The following NARS2 variants were observed in gnomAD, a reference collection of about 807,000 sequenced individuals.
NARS2 encodes asparaginyl-tRNA synthetase.
NARS2 carries 60 observed loss-of-function variants against 62.9 expected under a neutral mutation model. The ratio of observed to expected loss-of-function variants is 0.95; its 90% CI spans 0.77 to 1.18. NARS2 has a LOEUF of 1.18. Ranked by LOEUF, NARS2 falls within the 50% of genes most tolerant of loss-of-function variation. The pLI is 0.00. For missense variants in NARS2, 619 were observed against 576.4 expected, an observed-to-expected ratio of 1.07 and a Z score of -0.76; for synonymous variants, 196 against 200.0, an observed-to-expected ratio of 0.98 and a Z score of 0.17.
chr11:78,570,861 T>C (rs1026068927), intron 2 of NARS2, among the ~76,000 whole-genome samples: 2 of 152,170 alleles, frequency 1.3e-5, no homozygotes, highest in Non-Finnish European at 2.9e-5. Flanking sequence ...AGGAATACAG[T>C]TGATTACCAT....
At position 78,528,894 on chromosome 11, in the gene NARS2, C is replaced by T. The variant is rs756725793; in HGVS notation, c.637G>A (p.Val213Ile). ...CCTGAGACAGTTAAGAAAGCAGGAA[C>T]ATTGAAGAAATTCTCCTCAGGTACC... ...LKVPEENFFN[V>I]PAFLTVSGQL... Residue 213 changes from valine to isoleucine, a missense_variant, in exon 6 of 14, where the codon GTT becomes ATT. Val to Ile is a conservative substitution (Grantham distance 29, BLOSUM62 3). Transcript: ENST00000281038. 1 of 1,613,054 alleles carries T rather than the reference C, an allele frequency of 6.2e-7. No homozygotes were observed. The highest frequency in any genetic ancestry group is 8.5e-7 in the Non-Finnish European group (1 of 1,179,588).
chr11:78,549,944 C>A (rs917601872), intron 5 of NARS2, among the ~76,000 whole-genome samples: 4 of 152,172 alleles, frequency 2.6e-5, no homozygotes, highest in Non-Finnish European at 4.4e-5. Context: ...CAATTAAAGT[C>A]TTTTAAGGCA....
At chr11:78,471,843 G>A (rs1591167363) in intron 9 of NARS2, among the ~76,000 whole-genome samples, 1 of 151,952 alleles carries the variant, frequency 6.6e-6, no homozygotes, top group East Asian at 1.9e-4. Flanking sequence ...TTTCATCCAC[G>A]TCCCTACAAA....
chr11:78,553,768 T>G (rs1171572080), intron 5 of NARS2, among the ~76,000 whole-genome samples: 3 of 152,242 alleles, frequency 2.0e-5, no homozygotes, highest in Admixed American at 2.0e-4. Context: ...TAGATCCAAT[T>G]TGTCAATTTT....
intron 7 of NARS2, among the ~76,000 whole-genome samples, chr11:78,490,218 T>C (rs369620929): frequency 4.6e-5 from 7 of 152,328 alleles, no homozygotes; most frequent in Middle Eastern, 3.4e-3. Context: ...GTAACGTCAC[T>C]GAAGCTACCT....
At chr11:78,498,062 T>C (rs577678502) in intron 6 of NARS2, among the ~76,000 whole-genome samples, 3 of 152,276 alleles carry the variant, frequency 2.0e-5, no homozygotes, top group East Asian at 1.9e-4. Flanking sequence ...TCTGAGGAGA[T>C]GACATGTGAA....
chr11:78,459,596 C>T (rs533998734), intron 11 of NARS2, among the ~76,000 whole-genome samples: 2 of 152,184 alleles, frequency 1.3e-5, no homozygotes, highest in South Asian at 2.1e-4. Context: ...GAGGTGTTTC[C>T]GCTTTCACTT....
chr11:78,473,973 C>T (rs548540130), intron 9 of NARS2, among the ~76,000 whole-genome samples: 11 of 152,282 alleles, frequency 7.2e-5, no homozygotes, highest in African/African-American at 2.6e-4. Context: ...TCCAGCTTCC[C>T]TACCCTACAC....
chr11:78,461,749 G>T (rs996527799), intron 11 of NARS2, among the ~76,000 whole-genome samples: 13 of 147,898 alleles, frequency 8.8e-5, no homozygotes, highest in Admixed American at 3.4e-4. Flanking sequence ...TTTGAGACCA[G>T]CCTGGGCAAC....
intron 11 of NARS2, among the ~76,000 whole-genome samples, chr11:78,453,298 T>C (rs976980129): frequency 7.2e-5 from 11 of 152,198 alleles, no homozygotes; most frequent in African/African-American, 2.2e-4. Context: ...AATATGAGTT[T>C]TGATTCTGCT....
In NARS2 at chr11:78,493,180, C is replaced by T. The variant is rs370938290; in HGVS notation, c.705G>A (p.Val235=). 12 of 1,613,152 alleles carry T rather than the reference C, an allele frequency of 7.4e-6. No homozygotes were observed. The highest frequency in any genetic ancestry group is 1.6e-4 in the Middle Eastern group (1 of 6,082). Residue 235 remains valine (V), a synonymous_variant, in exon 7 of 14, where the codon GTG becomes GTA. Coordinates refer to ENST00000281038, the MANE Select transcript of NARS2 (RefSeq NM_024678.6). ...LEVMSGAFTQ[V]FTFGPTFRAE... is the part of the protein sequence containing the mutation. ...CTCGGAAGGTCGGACCAAAGGTAAA[C>T]ACTTGAGTAAAAGCTCTGCAATTCA...
Position 78,465,998 on chromosome 11 carries a change from G to C in NARS2, c.1042C>G (p.Arg348Gly), listed in dbSNP as rs149061222. Residue 348 changes from arginine (R) to glycine (G), a missense_variant, in exon 11 of 14, where the codon CGG becomes GGG. Transcript: ENST00000281038. ...ACCAGGTACTTTTCATGTTCAGTCC[G>C]TAGGTCAGCACCCCACTGTAATGAG... ...TFTPEWGADLRTEHEKYLVKH... is the reference protein window; with the variant it reads ...TFTPEWGADLGTEHEKYLVKH... 6.2e-7 allele frequency: 1 copy of C among 1,609,902 alleles called. No individual in the cohort carries two copies. Among genetic ancestry groups the C allele is most frequent in the East Asian group, 2.2e-5 (1 of 44,828 alleles).
intron 13 of NARS2, among the ~76,000 whole-genome samples, chr11:78,439,162 G>T (rs890138268): frequency 6.6e-6 from 1 of 151,694 alleles, no homozygotes; most frequent in African/African-American, 2.4e-5. Context: ...CTCAGCCTCC[G>T]GAGTAGCTGG....
chr11:78,471,520 CTTTT>C (rs139839568), intron 9 of NARS2, among the ~76,000 whole-genome samples: 35 of 151,324 alleles, frequency 2.3e-4, no homozygotes, highest in African/African-American at 8.0e-4. Flanking sequence ...ATTGAACTAT[CTTTT>C]TTTTTCTTTT....
At chr11:78,569,885 A>T (rs1050153659) in intron 2 of NARS2, among the ~76,000 whole-genome samples, 1 of 152,226 alleles carries the variant, frequency 6.6e-6, no homozygotes, top group Non-Finnish European at 1.5e-5. Context: ...AAAGTTGTTT[A>T]AAAGGTTACC....
At chr11:78,477,882 C>T (rs970677357) in intron 9 of NARS2, among the ~76,000 whole-genome samples, 1 of 152,140 alleles carries the variant, frequency 6.6e-6, no homozygotes. Flanking sequence ...TCTACAATTA[C>T]GTGAGCCAAT....
chr11:78,554,279 T>C (rs1446665262), intron 5 of NARS2, among the ~76,000 whole-genome samples: 1 of 152,164 alleles, frequency 6.6e-6, no homozygotes, highest in East Asian at 1.9e-4. Context: ...TAAAATAATT[T>C]TTTCTAGTTC....
chr11:78,464,143 C>T (rs910793113), intron 11 of NARS2, among the ~76,000 whole-genome samples: 1 of 151,894 alleles, frequency 6.6e-6, no homozygotes, highest in Non-Finnish European at 1.5e-5. Flanking sequence ...TGCAGACCTT[C>T]GCGGTGAGTG....
rs868445788 is a variant in NARS2, at chr11:78,497,243, A to C, written c.690-4048T>G. ...TTTGGAAAATAAAAAGCAAAATTGA[A>C]AAAAAAAAAAAAAAAAAAGGTTCTA... is the stretch of plus-strand genomic sequence containing the variant. On this transcript the variant is annotated intron_variant, in intron 6 of 13. Coordinates refer to ENST00000281038, the MANE Select transcript of NARS2 (RefSeq NM_024678.6). 5.6e-3 allele frequency among the ~76,000 whole-genome samples: 834 copies of C among 147,862 alleles called. 10 individuals carry two copies. The highest frequency in any genetic ancestry group is 0.019 in the African/African-American group (753 of 40,026).
Sources: allele counts gnomAD v4.1 joint callset (sites outside exome capture counted in the v4.1 genomes callset), GRCh38; gene constraint gnomAD v4.1.1; transcripts MANE v1.5; gene names NCBI Gene and HGNC (gene_info 2026-07-23, HGNC 2026-07-21).